Variants in UPK3A observed in about 807,000 individuals in gnomAD.
UPK3A encodes uroplakin-3a.
In UPK3A, 32 loss-of-function variants were observed where a neutral mutation model predicts 27.6. The ratio of observed to expected loss-of-function variants is 1.16; its 90% confidence interval spans 0.87 to 1.55. UPK3A has a LOEUF of 1.55. UPK3A is among the 40% of genes most tolerant of loss of function. The probability of loss-of-function intolerance (pLI) is 0.00; values close to 1 mark genes in which losing one functional copy is unlikely to be tolerated. For synonymous variants in UPK3A, 171 were observed against 163.9 expected (o/e 1.04, Z -0.33); for missense variants, 370 against 367.9 (o/e 1.01, Z -0.05).
At chr22:45,295,484 A>C in intron 5 of UPK3A, 76 bp from the exon 6 acceptor site, 1 of 1,504,018 alleles carries the variant, frequency 6.6e-7, no homozygotes, top group Non-Finnish European at 9.3e-7. Flanking sequence ...TCTGAGTATG[A>C]AGGTCCCCAA....
At chr22:45,293,416 G>A (rs1030104655) in intron 5 of UPK3A, 103 bp downstream of exon 5, 46 of 1,461,880 alleles carry the variant, frequency 3.1e-5, no homozygotes, top group Non-Finnish European at 3.9e-5. Flanking sequence ...GGGACAGCCC[G>A]GAAGGCAAGG....
rs2084126878 is a variant in UPK3A at position 45,287,422 on chromosome 22, C to T, written c.459C>T (p.Asn153=). 1.2e-6 allele frequency: 2 copies of T among 1,608,348 alleles called. No individual in the cohort carries two copies. Among genetic ancestry groups the T allele is most frequent in the Non-Finnish European group, 8.5e-7 (1 of 1,177,562 alleles). Residue 153 remains asparagine, a synonymous_variant, in exon 3 of 6, where the codon AAC becomes AAT. Transcript: ENST00000216211. The part of the protein sequence containing the change: ...LWDPNFQGLC[N]APLSAATEYR... ...ATCCCAACTTCCAGGGCCTCTGTAA[C>T]GCACCCCTGTCGGCAGCCACGGAGT...
intron 4 of UPK3A, 120 bp downstream of exon 4, chr22:45,289,263 T>A (rs1290778581): frequency 1.0e-6 from 1 of 972,818 alleles, no homozygotes; most frequent in African/African-American, 1.6e-5. Context: ...CAGGCAGTGA[T>A]GAGTAAAATG....
At chr22:45,294,810 G>A (rs1569107327) in intron 5 of UPK3A, among the ~76,000 whole-genome samples, 1 of 150,988 alleles carries the variant, frequency 6.6e-6, no homozygotes, top group Admixed American at 6.6e-5. Context: ...ATACTCCTCA[G>A]CCCTTCCTGC....
chr22:45,288,441 G>C (rs1469154103), intron 3 of UPK3A, among the ~76,000 whole-genome samples: 7 of 152,016 alleles, frequency 4.6e-5, no homozygotes, highest in Non-Finnish European at 1.0e-4. Context: ...CTCATGATCC[G>C]CCCGCCTCAG....
rs367693295 is a variant in UPK3A, at chr22:45,289,186, G to A, written c.571+43G>A. Reference sequence around the variant, plus strand: ...GTGGTGGTGATGCTCAAGGGGACCCGAGAAGGCGGGGCCAGCCACGGCGGT... The same window carrying A: ...GTGGTGGTGATGCTCAAGGGGACCCAAGAAGGCGGGGCCAGCCACGGCGGT... On this transcript the variant is annotated intron_variant, in intron 4 of 5. Coordinates refer to ENST00000216211, the MANE Select transcript of UPK3A (RefSeq NM_006953.4). The A allele has an allele frequency of 1.9e-5, 31 of 1,603,088 alleles. No individual in the cohort carries two copies. The African/African-American group carries it at 2.0e-4, about 10-fold the overall frequency.
intron 3 of UPK3A, among the ~76,000 whole-genome samples, chr22:45,287,848 C>T (rs2084130112): frequency 6.6e-6 from 1 of 151,930 alleles, no homozygotes; most frequent in Non-Finnish European, 1.5e-5. Flanking sequence ...GTTTTTAGTA[C>T]AGATGGGGTT....
chr22:45,290,816 A>AT lies in UPK3A; in HGVS notation c.571+1675dup, dbSNP rs2084155375. 2.6e-5 allele frequency among the ~76,000 whole-genome samples: 4 copies of AT among 152,258 alleles called. 1 individual carries two copies. In the South Asian group the frequency reaches 6.2e-4, roughly 24 times the overall value. On this transcript the variant is annotated intron_variant, in intron 4 of 5. Transcript: ENST00000216211. ...CGCCTCCTGTCAGATCAGCAGTGGC[A>AT]TTAGAGTGTCACGGGAGCGCGAACC...
At chr22:45,286,595 G>A (rs2084119758) in intron 2 of UPK3A, among the ~76,000 whole-genome samples, 1 of 152,166 alleles carries the variant, frequency 6.6e-6, no homozygotes. Flanking sequence ...CTGAGCTTCT[G>A]AGACAAGCCA....
intron 4 of UPK3A, among the ~76,000 whole-genome samples, chr22:45,292,658 C>T (rs558852932): frequency 6.6e-6 from 1 of 152,272 alleles, no homozygotes; most frequent in Admixed American, 6.5e-5. Context: ...AATCCCAACA[C>T]ATTGGGAGGC....
rs1054483885 is a variant in UPK3A, at chr22:45,287,499, C to A, written c.488+48C>A. ...AGGAGAGCCGCGGCAGTTCCCCAGT[C>A]CTGATGAGGGAGAGCAGGGGCAAAG... On this transcript the variant is annotated intron_variant, in intron 3 of 5. Transcript: ENST00000216211. The A allele has an allele frequency of 3.9e-6, 6 of 1,554,486 alleles. No individual in the cohort carries two copies. In the African/African-American group the frequency reaches 8.2e-5, roughly 21 times the overall value.
At chr22:45,290,465 G>C (rs1279424014) in intron 4 of UPK3A, among the ~76,000 whole-genome samples, 1 of 152,156 alleles carries the variant, frequency 6.6e-6, no homozygotes, top group African/African-American at 2.4e-5. Context: ...GCCTGTTGTG[G>C]TATGTCTATG....
intron 5 of UPK3A, 51 bp downstream of exon 5, chr22:45,293,364 A>C (rs775120737): frequency 6.2e-7 from 1 of 1,609,802 alleles, no homozygotes; most frequent in Non-Finnish European, 8.5e-7. Flanking sequence ...TGCCAGACAC[A>C]TTTGGCTCAC....
At chr22:45,286,179 A>G in intron 2 of UPK3A, 83 bp downstream of exon 2, 1 of 1,556,182 alleles carries the variant, frequency 6.4e-7, no homozygotes. Flanking sequence ...AGATAGAGGA[A>G]CCCTCCATGC....
intron 4 of UPK3A, 113 bp downstream of exon 4, chr22:45,289,256 G>A (rs2084142197): frequency 9.6e-7 from 1 of 1,045,656 alleles, no homozygotes; most frequent in Non-Finnish European, 1.4e-6. Flanking sequence ...CCCAGGCCAG[G>A]CAGTGATGAG....
chr22:45,293,758 C>T (rs1331933594), intron 5 of UPK3A, among the ~76,000 whole-genome samples: 4 of 152,152 alleles, frequency 2.6e-5, no homozygotes, highest in Non-Finnish European at 4.4e-5. Context: ...CAAGCATTTG[C>T]TTTCGTTGTC....
At position 45,293,293 on chromosome 22, in the gene UPK3A, C is replaced by T. The variant is rs753266315; in HGVS notation, c.684C>T (p.Gly228=). The T allele has an allele frequency of 4.3e-6, 7 of 1,614,000 alleles. No individual in the cohort carries two copies. Among genetic ancestry groups the T allele is most frequent in the African/African-American group, 1.3e-5 (1 of 75,022 alleles). ...TCTTTCTACTTGTGGGTTTTGCTGG[C>T]GCCATTGCCCTCAGCCTCGTGTAAG... The part of the protein sequence containing the change: ...LPFFLLVGFA[G]AIALSLVDMG... The change falls in exon 5 of 6, where the codon GGC becomes GGT. Residue 228 remains glycine, a synonymous_variant. Transcript: ENST00000216211.
intron 5 of UPK3A, among the ~76,000 whole-genome samples, chr22:45,295,210 G>A (rs2084186913): frequency 6.6e-6 from 1 of 151,982 alleles, no homozygotes; most frequent in Admixed American, 6.6e-5. Context: ...GCCTCCTCCA[G>A]GAAGCCTTCC....
Position 45,295,794 on chromosome 22 carries a change from C to A in UPK3A, c.*75C>A. 6.3e-7 allele frequency: 1 copy of A among 1,576,392 alleles called. No individual in the cohort carries two copies. The highest frequency in any genetic ancestry group is 1.9e-4 in the Middle Eastern group (1 of 5,212). Reference sequence around the variant, plus strand: ...AGGCCCTGCAGCGGTGGTTGTCACACCCTGACTTCAGGGAAGGTGAAACAG... The same window carrying A: ...AGGCCCTGCAGCGGTGGTTGTCACAACCTGACTTCAGGGAAGGTGAAACAG... On this transcript the variant is annotated 3_prime_UTR_variant, in exon 6 of 6. Coordinates refer to ENST00000216211, the MANE Select transcript of UPK3A (RefSeq NM_006953.4).
Sources: gnomAD v4.1 joint callset for allele counts (sites outside exome capture counted in the v4.1 genomes callset) on GRCh38, gnomAD v4.1.1 for gene constraint, MANE v1.5 for transcripts, NCBI Gene and HGNC (gene_info 2026-07-23, HGNC 2026-07-21) for gene names.